PIK3CB: variants seen among roughly 807,000 people sequenced by gnomAD.
The protein encoded by PIK3CB is phosphatidylinositol 4,5-bisphosphate 3-kinase catalytic subunit beta isoform.
A neutral mutation model predicts 136.8 loss-of-function variants in PIK3CB; 39 were observed. The ratio of observed to expected loss-of-function variants is 0.29; its 90% CI spans 0.22 to 0.37. The LOEUF (loss-of-function observed/expected upper bound fraction) is 0.37. PIK3CB is among the 10% of genes least tolerant of loss of function. PIK3CB has a pLI of 1.00. For synonymous variants in PIK3CB, 428 were observed against 436.6 expected (o/e 0.98, Z 0.25); for missense variants, 868 against 1,275.4 (o/e 0.68, Z 4.87).
chr3:138,663,379 T>G (rs2043337810), intron 21 of PIK3CB, among the ~76,000 whole-genome samples: 1 of 152,132 alleles, frequency 6.6e-6, no homozygotes, highest in South Asian at 2.1e-4. Flanking sequence ...CTACAAAAAT[T>G]TTTTCAATAA....
intron 13 of PIK3CB, among the ~76,000 whole-genome samples, chr3:138,695,837 C>G (rs1007123715): frequency 6.6e-6 from 1 of 152,002 alleles, no homozygotes; most frequent in Non-Finnish European, 1.5e-5. Flanking sequence ...ACCTCTCCTT[C>G]CTGGATTCAA....
At chr3:138,733,263 G>A (rs1226720970) in intron 8 of PIK3CB, 98 bp downstream of exon 8, 1 of 524,950 alleles carries the variant, frequency 1.9e-6, no homozygotes, top group African/African-American at 1.9e-5. Context: ...TGATCAATAT[G>A]GGTAAAATTC....
chr3:138,824,031 T>A (rs1933673799), intron 1 of PIK3CB, among the ~76,000 whole-genome samples: 3 of 152,124 alleles, frequency 2.0e-5, no homozygotes. Flanking sequence ...TTTCTCAACT[T>A]CACAACTGCC....
chr3:138,807,148 T>C (rs1237690053), intron 1 of PIK3CB, among the ~76,000 whole-genome samples: 2 of 152,212 alleles, frequency 1.3e-5, no homozygotes, highest in Non-Finnish European at 2.9e-5. Flanking sequence ...ATCTTATTTA[T>C]CCAGGCCAGG....
At chr3:138,720,968 T>C (rs771365925) in intron 8 of PIK3CB, among the ~76,000 whole-genome samples, 1 of 152,170 alleles carries the variant, frequency 6.6e-6, no homozygotes, top group South Asian at 2.1e-4. Context: ...AAATTTCTAT[T>C]ACCATTTACT....
chr3:138,750,034 T>C (rs1465791327), intron 4 of PIK3CB, among the ~76,000 whole-genome samples: 1 of 152,082 alleles, frequency 6.6e-6, no homozygotes, highest in Non-Finnish European at 1.5e-5. Context: ...CACACCACCA[T>C]GCCTGAGTAA....
intron 8 of PIK3CB, among the ~76,000 whole-genome samples, chr3:138,721,995 T>C (rs930105313): frequency 1.3e-5 from 2 of 152,154 alleles, no homozygotes; most frequent in African/African-American, 4.8e-5. Flanking sequence ...ATATTATAAC[T>C]GATCATGTTT....
chr3:138,719,820 T>TTA (rs2044689647), intron 8 of PIK3CB, among the ~76,000 whole-genome samples: 1 of 152,134 alleles, frequency 6.6e-6, no homozygotes, highest in African/African-American at 2.4e-5. Flanking sequence ...CTGTATGATA[T>TTA]TATATACTCA....
At chr3:138,709,251 C>T (rs1365534943) in intron 10 of PIK3CB, among the ~76,000 whole-genome samples, 2 of 151,670 alleles carry the variant, frequency 1.3e-5, no homozygotes, top group Admixed American at 1.3e-4. Context: ...CATGGTTATT[C>T]ATTATAGCAG....
chr3:138,686,280 A>C (rs1367787496), intron 16 of PIK3CB, among the ~76,000 whole-genome samples: 1 of 151,798 alleles, frequency 6.6e-6, no homozygotes, highest in East Asian at 1.9e-4. Flanking sequence ...CTCTACTAAA[A>C]ATACAAAAAT....
At chr3:138,709,347 A>G (rs1325064287) in intron 10 of PIK3CB, among the ~76,000 whole-genome samples, 1 of 151,898 alleles carries the variant, frequency 6.6e-6, no homozygotes, top group Non-Finnish European at 1.5e-5. Context: ...TTCTCTACAT[A>G]GATACGTAGA....
intron 1 of PIK3CB, among the ~76,000 whole-genome samples, chr3:138,804,887 T>C (rs1410542552): frequency 2.0e-5 from 3 of 151,566 alleles, no homozygotes. Context: ...TAGCTGGGCG[T>C]GGTGGTGGGT....
At chr3:138,820,437 TAA>T (rs1375354027) in intron 1 of PIK3CB, among the ~76,000 whole-genome samples, 2 of 152,250 alleles carry the variant, frequency 1.3e-5, no homozygotes, top group African/African-American at 4.8e-5. Flanking sequence ...TTTTTTAACC[TAA>T]CTCATTTATG....
intron 1 of PIK3CB, among the ~76,000 whole-genome samples, chr3:138,817,943 GAGATCCC>G (rs540775378): frequency 3.0e-4 from 46 of 152,226 alleles, no homozygotes; most frequent in African/African-American, 1.1e-3. Flanking sequence ...GCAACAGAAT[GAGATCCC>G]ATCTCTAATA....
chr3:138,825,322 G>GT, intron 1 of PIK3CB: 1 of 500,884 alleles, frequency 2.0e-6, no homozygotes, highest in Admixed American at 2.7e-5. Flanking sequence ...TTTAAAGCTG[G>GT]TATCTCCAAA....
rs990955808 is a variant in PIK3CB, at chr3:138,773,651, ATTT to A, written c.-16-14295_-16-14293del. Among the ~76,000 whole-genome samples the A allele has an allele frequency of 2.6e-5, 4 of 152,168 alleles. No individual in the cohort carries two copies. The East Asian group carries it at 7.7e-4, about 29-fold the overall frequency. ...TAAATGGTCTTCTTCCAAACACATA[ATTT>A]TTTATTAAGCAATGCTAATAAAACT... On this transcript the variant is annotated intron_variant, in intron 2 of 23. Coordinates refer to ENST00000674063, the MANE Select transcript of PIK3CB (RefSeq NM_006219.3).
intron 2 of PIK3CB, among the ~76,000 whole-genome samples, chr3:138,795,047 C>T (rs1007816434): frequency 2.6e-5 from 4 of 151,880 alleles, no homozygotes; most frequent in African/African-American, 4.8e-5. Context: ...CAGCCGGGCG[C>T]GGTGGCTCAC....
At chr3:138,662,870 G>C (rs1239961214) in intron 21 of PIK3CB, among the ~76,000 whole-genome samples, 1 of 152,180 alleles carries the variant, frequency 6.6e-6, no homozygotes, top group African/African-American at 2.4e-5. Flanking sequence ...CAGTGATGAT[G>C]AGCATTTTTT....
At chr3:138,672,386 A>G (rs2043552285) in intron 19 of PIK3CB, among the ~76,000 whole-genome samples, 1 of 152,180 alleles carries the variant, frequency 6.6e-6, no homozygotes, top group Non-Finnish European at 1.5e-5. Context: ...GTTAACATAA[A>G]AACTGGCTGA....
Sources: allele counts gnomAD v4.1 joint callset (sites outside exome capture counted in the v4.1 genomes callset), GRCh38; gene constraint gnomAD v4.1.1; transcripts MANE v1.5; gene names NCBI Gene and HGNC (gene_info 2026-07-23, HGNC 2026-07-21).